Variants in SLC22A23 observed in about 807,000 individuals in gnomAD.
SLC22A23 encodes ion transporter protein.
A neutral mutation model predicts 61.0 loss-of-function variants in SLC22A23; 26 were observed. That is an observed-to-expected ratio of 0.43 (90% CI 0.31 to 0.59). SLC22A23 has a LOEUF of 0.59. Ranked by LOEUF, SLC22A23 falls within the 20% of genes least tolerant of loss-of-function variation. The pLI, the probability that SLC22A23 is intolerant of heterozygous loss-of-function variation, is 0.11. For synonymous variants in SLC22A23, 430 were observed against 413.9 expected (o/e 1.04, Z -0.47); for missense variants, 796 against 934.7 (o/e 0.85, Z 1.94).
rs191008962 is a variant in SLC22A23, at chr6:3,324,063, G to A, written c.914-61C>T. ...CCTGCTCGACAGCCCGAGAAGTCCT[G>A]GGTGCACCTGGGCCAGTGCACTGCT... is the stretch of plus-strand genomic sequence containing the variant. On this transcript the variant is annotated intron_variant, in intron 3 of 9. Coordinates refer to ENST00000406686, the MANE Select transcript of SLC22A23 (RefSeq NM_015482.2). This position sits in a 1 kb window ranked among gnomAD's most constrained non-coding sequence, Gnocchi z 4.3. The A allele has an allele frequency of 4.7e-4, 740 of 1,580,140 alleles. No individual in the cohort carries two copies. Among genetic ancestry groups the A allele is most frequent in the Non-Finnish European group, 5.9e-4 (687 of 1,156,972 alleles).
chr6:3,336,580 C>T (rs1763871070), intron 3 of SLC22A23, among the ~76,000 whole-genome samples: 2 of 152,230 alleles, frequency 1.3e-5, no homozygotes, highest in East Asian at 1.9e-4. Context: ...AAGCCCTACA[C>T]TGCCACAGCA....
chr6:3,352,240 C>T (rs532585972), intron 3 of SLC22A23, among the ~76,000 whole-genome samples: 26 of 150,610 alleles, frequency 1.7e-4, no homozygotes, highest in Non-Finnish European at 1.5e-4. Context: ...TACAGACACA[C>T]AGACACTCAC....
At chr6:3,404,126 C>T (rs1457450717) in intron 3 of SLC22A23, among the ~76,000 whole-genome samples, 1 of 152,220 alleles carries the variant, frequency 6.6e-6, no homozygotes, top group East Asian at 1.9e-4. Context: ...ACAGCCTCCC[C>T]TGTGTGGAAA....
Position 3,283,985 on chromosome 6 carries a change from G to C in SLC22A23, c.1580-10C>G. Reference sequence around the variant, plus strand: ...ACGCTGTCACTCATCCCTGGGGGAAGGTCAGAAGAAGGTGGTGAGGGAAGA... The same window carrying C: ...ACGCTGTCACTCATCCCTGGGGGAACGTCAGAAGAAGGTGGTGAGGGAAGA... On this transcript the variant is annotated splice_polypyrimidine_tract_variant and intron_variant, in intron 8 of 9. Transcript: ENST00000406686. 2 of 1,597,854 alleles carry C rather than the reference G, an allele frequency of 1.3e-6. No individual in the cohort carries two copies. Among genetic ancestry groups the C allele is most frequent in the Non-Finnish European group, 1.7e-6 (2 of 1,167,868 alleles).
chr6:3,359,126 C>T (rs372283704), intron 3 of SLC22A23, among the ~76,000 whole-genome samples: 9 of 152,144 alleles, frequency 5.9e-5, no homozygotes, highest in African/African-American at 2.2e-4. Flanking sequence ...CAGAACAACA[C>T]GGGCTGCATC....
chr6:3,306,352 C>G (rs1236172206), intron 4 of SLC22A23, among the ~76,000 whole-genome samples: 9 of 152,188 alleles, frequency 5.9e-5, no homozygotes, highest in Admixed American at 2.0e-4. Context: ...CTCTATCACC[C>G]AGGTAAGGGA....
chr6:3,381,488 C>A (rs1047628974), intron 3 of SLC22A23, among the ~76,000 whole-genome samples: 1 of 152,116 alleles, frequency 6.6e-6, no homozygotes, highest in Admixed American at 6.5e-5. Flanking sequence ...GGACCAGTCC[C>A]CAATAAAAAT....
intron 1 of SLC22A23, among the ~76,000 whole-genome samples, chr6:3,450,030 G>A (rs1048054402): frequency 7.9e-5 from 12 of 152,142 alleles, no homozygotes; most frequent in Admixed American, 3.3e-4. Flanking sequence ...ACAGTGTTTC[G>A]GATACGCTAG....
rs1178091834 is a variant in SLC22A23, at chr6:3,454,711, CTCAG to C, written c.654+1191_654+1194del. Among the ~76,000 whole-genome samples the C allele has an allele frequency of 4.6e-5, 7 of 152,210 alleles. No individual in the cohort carries two copies. The highest frequency in any genetic ancestry group is 1.0e-4 in the Non-Finnish European group (7 of 68,046). The stretch of plus-strand genomic sequence containing the variant: ...TTACCTTGCAGGGCAGCAGGGGCAG[CTCAG>C]TCAGACAGTTCCCACAGGACAGAGC... On this transcript the variant is annotated intron_variant, in intron 1 of 9. Coordinates refer to ENST00000406686, the MANE Select transcript of SLC22A23 (RefSeq NM_015482.2). The surrounding 1 kb of genome is among the most constrained non-coding windows in gnomAD (Gnocchi z 4.3).
At chr6:3,425,237 A>G (rs1280113509) in intron 1 of SLC22A23, among the ~76,000 whole-genome samples, 1 of 151,722 alleles carries the variant, frequency 6.6e-6, no homozygotes, top group Non-Finnish European at 1.5e-5. Flanking sequence ...TATAAAAGCC[A>G]GTAGAAAATT....
At chr6:3,439,433 TGAA>T (rs759219196) in intron 1 of SLC22A23, 1 of 374,694 alleles carries the variant, frequency 2.7e-6, no homozygotes, top group Non-Finnish European at 5.2e-6. Flanking sequence ...CCGTTCCACG[TGAA>T]GAAAAGGCTC....
intron 3 of SLC22A23, among the ~76,000 whole-genome samples, chr6:3,340,993 A>T (rs975666268): frequency 6.6e-6 from 1 of 152,188 alleles, no homozygotes; most frequent in Non-Finnish European, 1.5e-5. Flanking sequence ...AATGCCTGCT[A>T]TGGCACCTTC....
chr6:3,285,772 C>T (rs1054941423), intron 7 of SLC22A23, among the ~76,000 whole-genome samples: 2 of 152,222 alleles, frequency 1.3e-5, no homozygotes, highest in Non-Finnish European at 2.9e-5. Context: ...AGTGAGCCAT[C>T]TCTAATCTAG....
chr6:3,416,485 G>A (rs560237840), intron 1 of SLC22A23, among the ~76,000 whole-genome samples: 77 of 152,262 alleles, frequency 5.1e-4, no homozygotes, highest in South Asian at 1.0e-3. Context: ...AGAGAAAGCC[G>A]GTCAATTAGT....
chr6:3,446,683 AG>A (rs1249602337), intron 1 of SLC22A23, among the ~76,000 whole-genome samples: 1 of 152,184 alleles, frequency 6.6e-6, no homozygotes, highest in Non-Finnish European at 1.5e-5. Flanking sequence ...CTTCCCAAAC[AG>A]GCCCAGTTTC....
intron 1 of SLC22A23, among the ~76,000 whole-genome samples, chr6:3,441,166 C>T (rs955365034): frequency 2.6e-4 from 39 of 152,034 alleles, no homozygotes; most frequent in Admixed American, 2.5e-3. Context: ...GATGGGGGCT[C>T]GTTCAGGTGG....
chr6:3,352,495 G>T (rs1268263494), intron 3 of SLC22A23, among the ~76,000 whole-genome samples: 1 of 152,062 alleles, frequency 6.6e-6, no homozygotes, highest in African/African-American at 2.4e-5. Flanking sequence ...AGGCATACTT[G>T]CAGACACACA....
At chr6:3,323,459 T>G in intron 4 of SLC22A23, 1 of 412,040 alleles carries the variant, frequency 2.4e-6, no homozygotes, top group South Asian at 1.9e-5. Flanking sequence ...AATCACTCCT[T>G]TAATATCTCC....
intron 3 of SLC22A23, among the ~76,000 whole-genome samples, chr6:3,353,788 C>T (rs767507290): frequency 3.9e-5 from 6 of 152,166 alleles, no homozygotes; most frequent in Non-Finnish European, 8.8e-5. Flanking sequence ...CCTCAGGAAG[C>T]CACACCATTC....
Sources: allele counts gnomAD v4.1 joint callset (sites outside exome capture counted in the v4.1 genomes callset), GRCh38; gene constraint gnomAD v4.1.1; non-coding constraint Gnocchi (gnomAD v3.1); transcripts MANE v1.5; gene names NCBI Gene and HGNC (gene_info 2026-07-23, HGNC 2026-07-21).